PCDHGB1: variants seen among roughly 807,000 people sequenced by gnomAD.
PCDHGB1 encodes the protein protocadherin gamma-B1.
In PCDHGB1, 34 loss-of-function variants were observed where a neutral mutation model predicts 56.6. The observed-to-expected ratio is 0.60, with a 90% CI of 0.46 to 0.80. The LOEUF is 0.80. Ranked by LOEUF, PCDHGB1 falls within the 30% of genes least tolerant of loss-of-function variation. PCDHGB1 has a pLI of 0.00. For synonymous variants in PCDHGB1, 561 were observed against 505.9 expected, an observed-to-expected ratio of 1.11 and a Z score of -1.46; for missense variants, 1,278 against 1,204.6, an observed-to-expected ratio of 1.06 and a Z score of -0.90.
intron 3 of PCDHGB1, among the ~76,000 whole-genome samples, chr5:141,510,424 C>T (rs2154594619): frequency 6.6e-6 from 1 of 152,236 alleles, no homozygotes; most frequent in South Asian, 2.1e-4. Flanking sequence ...GCCATGGTTT[C>T]ATGGCTGCTG....
intron 1 of PCDHGB1, chr5:141,366,450 TC>T (rs1764566733): frequency 6.2e-7 from 1 of 1,614,230 alleles, no homozygotes; most frequent in Non-Finnish European, 8.5e-7. Flanking sequence ...TTCCTGGCCT[TC>T]GTCATCGTGC....
At chr5:141,361,775 G>A (rs1435917865) in intron 1 of PCDHGB1, 1 of 1,613,226 alleles carries the variant, frequency 6.2e-7, no homozygotes, top group South Asian at 1.1e-5. Context: ...GCCAACGTGA[G>A]CCTGCGCGTG....
chr5:141,509,179 C>T (rs895281717), intron 3 of PCDHGB1, among the ~76,000 whole-genome samples: 1 of 152,172 alleles, frequency 6.6e-6, no homozygotes, highest in African/African-American at 2.4e-5. Flanking sequence ...TCCTCTTATG[C>T]CGGCTTGAAA....
At chr5:141,361,561 G>T (rs1762075666) in intron 1 of PCDHGB1, 2 of 1,614,032 alleles carry the variant, frequency 1.2e-6, no homozygotes, top group Admixed American at 1.7e-5. Context: ...TCAAATCAGT[G>T]CCTCTGACCC....
In PCDHGB1 at chr5:141,485,031, C is replaced by A; in HGVS notation, c.2410-9776C>A. On this transcript the variant is annotated intron_variant, in intron 1 of 3. Coordinates refer to ENST00000523390, the MANE Select transcript of PCDHGB1 (RefSeq NM_018922.3). The surrounding 1 kb of genome is among the most constrained non-coding windows in gnomAD (Gnocchi z 5.7). Reference sequence around the variant, plus strand: ...TACCCCGCCACCAGCAAAAACGGCGCGTAACCCTTGCGGCGCCGGCCGAAC... The same window carrying A: ...TACCCCGCCACCAGCAAAAACGGCGAGTAACCCTTGCGGCGCCGGCCGAAC... The A allele has an allele frequency of 1.5e-6, 1 of 680,514 alleles. No homozygotes were observed. Among genetic ancestry groups the A allele is most frequent in the South Asian group, 1.8e-5 (1 of 54,868 alleles). 42.2% of individuals were successfully genotyped at this position (680,514 alleles called of 1,614,324 possible). A position where few individuals can be genotyped will look rare whatever the true frequency, so the allele number is the denominator to read the frequency against.
chr5:141,352,801 C>A, intron 1 of PCDHGB1, 132 bp downstream of exon 1: 3 of 912,248 alleles, frequency 3.3e-6, no homozygotes, highest in Non-Finnish European at 4.9e-6. Context: ...ACCAGCATAG[C>A]CAAGATGGTA....
At chr5:141,364,321 A>G (rs762290044) in intron 1 of PCDHGB1, 21 of 1,526,304 alleles carry the variant, frequency 1.4e-5, no homozygotes, top group Middle Eastern at 1.8e-4. Flanking sequence ...AATTGGGCAG[A>G]GAGAAGGCAA....
chr5:141,352,069 C>T lies in PCDHGB1; in HGVS notation c.1809C>T (p.His603=), dbSNP rs1469927143. The change falls in exon 1 of 4, where the codon CAC becomes CAT. Residue 603 remains histidine (H), a synonymous_variant. Transcript: ENST00000523390. ...DSGHNAWLSY[H]VLQASEPGLF... ...GACACAACGCTTGGCTGTCCTACCA[C>T]GTGCTGCAGGCCAGCGAGCCCGGGC... 6.2e-7 allele frequency: 1 copy of T among 1,605,522 alleles called. No individual in the cohort carries two copies. The highest frequency in any genetic ancestry group is 8.5e-7 in the Non-Finnish European group (1 of 1,176,942).
intron 1 of PCDHGB1, among the ~76,000 whole-genome samples, chr5:141,470,825 C>A (rs557419577): frequency 6.6e-6 from 1 of 152,182 alleles, no homozygotes; most frequent in Admixed American, 6.5e-5. Context: ...GTAGTTAGGA[C>A]GACAAACACA....
intron 1 of PCDHGB1, among the ~76,000 whole-genome samples, chr5:141,481,049 C>A (rs1165894624): frequency 1.3e-5 from 2 of 152,096 alleles, no homozygotes; most frequent in Non-Finnish European, 2.9e-5. Context: ...CAGAGCGAGA[C>A]TCCACCTCAA....
At chr5:141,424,959 C>A (rs1561817087) in intron 1 of PCDHGB1, among the ~76,000 whole-genome samples, 4 of 152,152 alleles carry the variant, frequency 2.6e-5, no homozygotes, top group Non-Finnish European at 5.9e-5. Flanking sequence ...TAGGTATTTG[C>A]CCCAAATTAC....
chr5:141,355,941 C>G (rs780585950), intron 1 of PCDHGB1: 94 of 1,613,750 alleles, frequency 5.8e-5, no homozygotes, highest in Non-Finnish European at 1.7e-6. Context: ...AGCCCGAGTA[C>G]CACGTAAGTG....
chr5:141,362,078 A>G, intron 1 of PCDHGB1: 3 of 1,612,904 alleles, frequency 1.9e-6, no homozygotes, highest in Non-Finnish European at 2.5e-6. Flanking sequence ...GCTGTGCGTG[A>G]TGGAGGACAG....
intron 1 of PCDHGB1, among the ~76,000 whole-genome samples, chr5:141,381,944 C>G (rs1777787484): frequency 6.7e-6 from 1 of 149,738 alleles, no homozygotes; most frequent in African/African-American, 2.5e-5. Context: ...ATTTTCCTGC[C>G]TCAGCCTCCT....
intron 1 of PCDHGB1, chr5:141,417,692 C>T (rs2096147964): frequency 1.8e-6 from 2 of 1,089,118 alleles, no homozygotes; most frequent in Non-Finnish European, 2.5e-6. Flanking sequence ...AAAAGAAAAC[C>T]AGCTCCCACA....
chr5:141,490,419 G>C lies in PCDHGB1; in HGVS notation c.2410-4388G>C. The C allele has an allele frequency of 6.2e-7, 1 of 1,614,170 alleles. No homozygotes were observed. Among genetic ancestry groups the C allele is most frequent in the Non-Finnish European group, 8.5e-7 (1 of 1,180,020 alleles). ...TGAGCCTTGATATCTCTCCGGACCT[G>C]CCATTTCAGATTAAGCCTTCTGAGA... On this transcript the variant is annotated intron_variant, in intron 1 of 3. Transcript: ENST00000523390. The surrounding 1 kb of genome is among the most constrained non-coding windows in gnomAD (Gnocchi z 5.4).
chr5:141,423,809 G>C, intron 1 of PCDHGB1: 1 of 1,260,030 alleles, frequency 7.9e-7, no homozygotes, highest in Non-Finnish European at 1.0e-6. Context: ...ATACATGTGA[G>C]TTTTACTTTG....
chr5:141,451,233 T>A (rs1431967203), intron 1 of PCDHGB1, among the ~76,000 whole-genome samples: 1 of 152,216 alleles, frequency 6.6e-6, no homozygotes, highest in African/African-American at 2.4e-5. Flanking sequence ...GCATTTATTA[T>A]CTCATAAATT....
chr5:141,482,998 T>C (rs1458221945), intron 1 of PCDHGB1, among the ~76,000 whole-genome samples: 1 of 152,008 alleles, frequency 6.6e-6, no homozygotes, highest in Non-Finnish European at 1.5e-5. Flanking sequence ...GGCAGGAGAA[T>C]TGCTTGAACC....
Sources: gnomAD v4.1 joint callset for allele counts (sites outside exome capture counted in the v4.1 genomes callset) on GRCh38, gnomAD v4.1.1 for gene constraint, Gnocchi (gnomAD v3.1) non-coding constraint, MANE v1.5 for transcripts, NCBI Gene and HGNC (gene_info 2026-07-23, HGNC 2026-07-21) for gene names.